The following UBR4 variants were observed in gnomAD, a reference collection of about 807,000 sequenced individuals.
UBR4 encodes the protein E3 ubiquitin-protein ligase UBR4.
In UBR4, 124 loss-of-function variants were observed where a neutral mutation model predicts 575.6. The ratio of observed to expected loss-of-function variants is 0.22; its 90% confidence interval spans 0.19 to 0.25. The LOEUF (loss-of-function observed/expected upper bound fraction) is 0.25. Among genes scored for constraint, UBR4 ranks in the 10% least tolerant of loss-of-function variants. The pLI, the probability that UBR4 is intolerant of heterozygous loss-of-function variation, is 1.00. For synonymous variants in UBR4, 2,455 were observed against 2,473.7 expected (o/e 0.99, Z 0.22); for missense variants, 4,818 against 6,478.8 (o/e 0.74, Z 8.80).
intron 81 of UBR4, 132 bp from the exon 82 acceptor site, chr1:19,107,098 C>T: frequency 5.4e-6 from 7 of 1,293,966 alleles, no homozygotes; most frequent in Non-Finnish European, 7.4e-6. Context: ...ACACGTGTAT[C>T]TCTTATGCCC....
At chr1:19,171,867 C>G (rs1302711592) in intron 25 of UBR4, among the ~76,000 whole-genome samples, 1 of 151,970 alleles carries the variant, frequency 6.6e-6, no homozygotes, top group South Asian at 2.1e-4. Flanking sequence ...CACCATAGAA[C>G]AGGAGTGAAC....
chr1:19,144,737 A>T, intron 54 of UBR4, 49 bp downstream of exon 54: 4 of 1,569,768 alleles, frequency 2.5e-6, no homozygotes, highest in Non-Finnish European at 3.5e-6. Context: ...ACAATTTTCC[A>T]GATATTCCCT....
intron 38 of UBR4, 29 bp from the exon 39 acceptor site, chr1:19,160,310 GAAAAAA>G: frequency 9.0e-7 from 1 of 1,113,288 alleles, no homozygotes; most frequent in Non-Finnish European, 1.2e-6. Flanking sequence ...ATACACCAGT[GAAAAAA>G]AAAAAAAAGA....
At chr1:19,114,985 A>G (rs1276380895) in intron 74 of UBR4, 36 bp from the exon 75 acceptor site, 1 of 1,613,550 alleles carries the variant, frequency 6.2e-7, no homozygotes, top group East Asian at 2.2e-5. Flanking sequence ...GTAAGGTGAC[A>G]AGGCTGGGTG....
intron 85 of UBR4, 78 bp from the exon 86 acceptor site, chr1:19,104,744 T>A: frequency 6.9e-7 from 1 of 1,447,492 alleles, no homozygotes; most frequent in Middle Eastern, 1.7e-4. Flanking sequence ...TCCCAGGAGC[T>A]TGCAGCACCA....
chr1:19,149,767 C>G (rs770399941), intron 49 of UBR4: 91 of 1,301,746 alleles, frequency 7.0e-5, no homozygotes, highest in Non-Finnish European at 8.7e-5. Flanking sequence ...ACTAACCGGT[C>G]CAGCTTGGTT....
chr1:19,109,843 T>C (rs991674566), intron 81 of UBR4, among the ~76,000 whole-genome samples: 1 of 152,280 alleles, frequency 6.6e-6, no homozygotes, highest in African/African-American at 2.4e-5. Flanking sequence ...CTAACATGAC[T>C]GGAAAGAGTT....
chr1:19,151,395 CACA>C (rs1253720935), intron 48 of UBR4: 20 of 581,700 alleles, frequency 3.4e-5, no homozygotes, highest in African/African-American at 7.5e-5. Context: ...GTGAGGTGGA[CACA>C]ACACTATTGA....
At chr1:19,125,323 A>G (rs2081604074) in intron 64 of UBR4, among the ~76,000 whole-genome samples, 1 of 152,216 alleles carries the variant, frequency 6.6e-6, no homozygotes, top group Admixed American at 6.5e-5. Context: ...TGTATCAAGC[A>G]CTGGAGTTGT....
chr1:19,176,830 A>C, intron 19 of UBR4, 103 bp from the exon 20 acceptor site: 1 of 1,297,828 alleles, frequency 7.7e-7, no homozygotes, highest in Non-Finnish European at 1.0e-6. Context: ...TGGTAATCTG[A>C]ATGTGGGTGT....
At chr1:19,146,123 G>A (rs560625052) in intron 52 of UBR4, 190 bp from the exon 53 acceptor site, 48 of 1,533,844 alleles carry the variant, frequency 3.1e-5, no homozygotes, top group African/African-American at 3.0e-4. Context: ...AAGGAATATC[G>A]CAGAAAACAT....
At position 19,185,227 on chromosome 1, in the gene UBR4, C is replaced by G. The variant is rs1373940508; in HGVS notation, c.1810G>C (p.Glu604Gln). 17 of 1,612,612 alleles carry G rather than the reference C, an allele frequency of 1.1e-5. No homozygotes were observed. Among genetic ancestry groups the G allele is most frequent in the Non-Finnish European group, 1.4e-5 (17 of 1,179,378 alleles). ...GGAGGAGGCGGAGGTGCTGCTTTCT[C>G]TTTACTGGGAGAAATAGTCTCCTCA... The part of the protein sequence containing the change: ...WFEETISPSK[E>Q]KAAPPPPPPP... Residue 604 changes from glutamate (E) to glutamine (Q), a missense_variant, in exon 15 of 106, where the codon GAG becomes CAG. Physicochemically the swap from Glu to Gln is conservative, Grantham distance 29 (BLOSUM62 2). Around this residue, in one of 29 missense-constraint regions of UBR4, gnomAD observed 1,172 missense variants for 1,259.7 expected, o/e 0.93. Transcript: ENST00000375254.
chr1:19,076,787 T>A lies in UBR4; in HGVS notation c.15440A>T (p.Glu5147Val), dbSNP rs1320715335. 6.2e-7 allele frequency: 1 copy of A among 1,613,914 alleles called. No homozygotes were observed. Among genetic ancestry groups the A allele is most frequent in the Admixed American group, 1.7e-5 (1 of 59,972 alleles). ...GAAGGTCTCCACTGGCATGAACTCC[T>A]CCTGGAAGGTTTTCAGGGCTTTGTC... Reference protein sequence around the residue: ...AADKALKTFQEEFMPVETFSE... With the variant: ...AADKALKTFQVEFMPVETFSE... Residue 5147 changes from glutamate (E) to valine (V), a missense_variant, in exon 105 of 106, where the codon GAG becomes GTG. Coordinates refer to ENST00000375254, the MANE Select transcript of UBR4 (RefSeq NM_020765.3).
At position 19,093,178 on chromosome 1, in the gene UBR4, G is replaced by A; in HGVS notation, c.14111+135C>T. 2 of 1,221,184 alleles carry A rather than the reference G, an allele frequency of 1.6e-6. No homozygotes were observed. The highest frequency in any genetic ancestry group is 1.2e-6 in the Non-Finnish European group (1 of 866,000). The allele number at this position is 1,221,184 out of a possible 1,614,324, so 75.6% of individuals were successfully genotyped here. A position where few individuals can be genotyped will look rare whatever the true frequency, so the allele number is the denominator to read the frequency against. ...CAGTGGTTGAATGGTCACCCACATA[G>A]TTTCCAGAAGCGGTTGGGAGGCCCC... On this transcript the variant is annotated intron_variant, in intron 96 of 105. Transcript: ENST00000375254. This position sits in a 1 kb window ranked among gnomAD's most constrained non-coding sequence, Gnocchi z 4.8.
intron 68 of UBR4, among the ~76,000 whole-genome samples, chr1:19,120,717 C>T (rs1208463946): frequency 3.9e-5 from 6 of 152,186 alleles, no homozygotes; most frequent in African/African-American, 1.4e-4. Flanking sequence ...ACAGAGATGT[C>T]TGATCATTAA....
At chr1:19,199,281 TCAACTAG>T (rs898774321) in intron 3 of UBR4, among the ~76,000 whole-genome samples, 27 of 152,196 alleles carry the variant, frequency 1.8e-4, no homozygotes, top group Admixed American at 3.3e-4. Flanking sequence ...TGCAATCTTC[TCAACTAG>T]CACACTTTAC....
intron 5 of UBR4, 39 bp downstream of exon 5, chr1:19,198,502 A>C (rs368128417): frequency 2.6e-5 from 42 of 1,594,468 alleles, no homozygotes; most frequent in East Asian, 2.0e-4. Flanking sequence ...ATCTTAACAA[A>C]ACCCACAGAG....
intron 3 of UBR4, 93 bp downstream of exon 3, chr1:19,199,558 T>G: frequency 8.8e-7 from 1 of 1,135,386 alleles, no homozygotes; most frequent in South Asian, 1.3e-5. Flanking sequence ...ATCTGGCCTA[T>G]TACAGAAAAA....
chr1:19,177,822 G>C, intron 18 of UBR4, 79 bp from the exon 19 acceptor site: 1 of 1,465,426 alleles, frequency 6.8e-7, no homozygotes, highest in South Asian at 1.4e-5. Flanking sequence ...CACTAGAAGA[G>C]TTAAATTTCC....
Sources: gnomAD v4.1 joint callset for allele counts (sites outside exome capture counted in the v4.1 genomes callset) on GRCh38, gnomAD v4.1.1 for gene constraint, gnomAD v4.1.1 regional missense constraint, Gnocchi (gnomAD v3.1) non-coding constraint, MANE v1.5 for transcripts, NCBI Gene and HGNC (gene_info 2026-07-23, HGNC 2026-07-21) for gene names.